The following ARHGEF11 variants were observed in gnomAD, a reference collection of about 807,000 sequenced individuals.
ARHGEF11 encodes the protein Rho guanine exchange factor (GEF) 11.
ARHGEF11 carries 55 observed loss-of-function variants against 193.7 expected under a neutral mutation model. The observed-to-expected ratio is 0.28, with a 90% CI of 0.23 to 0.36. The LOEUF is 0.36. Among genes scored for constraint, ARHGEF11 ranks in the 10% least tolerant of loss-of-function variants. The pLI, the probability that ARHGEF11 is intolerant of heterozygous loss-of-function variation, is 1.00. For missense variants in ARHGEF11, 1,723 were observed against 2,005.6 expected, an observed-to-expected ratio of 0.86 and a Z score of 2.69; for synonymous variants, 693 against 768.0, an observed-to-expected ratio of 0.90 and a Z score of 1.62.
chr1:156,986,334 C>T (rs1664916620), intron 1 of ARHGEF11, among the ~76,000 whole-genome samples, 161 bp from the exon 2 acceptor site: 1 of 152,118 alleles, frequency 6.6e-6, no homozygotes, highest in South Asian at 2.1e-4. Context: ...CATGTGTACA[C>T]CACTGGTAAC....
intron 35 of ARHGEF11, among the ~76,000 whole-genome samples, chr1:156,940,778 T>C (rs905720549): frequency 1.3e-5 from 2 of 151,966 alleles, no homozygotes; most frequent in African/African-American, 2.4e-5. Context: ...ATTAAACAGA[T>C]TGGGCCAAGA....
At chr1:157,039,654 A>C (rs571605205) in intron 1 of ARHGEF11, among the ~76,000 whole-genome samples, 1 of 152,326 alleles carries the variant, frequency 6.6e-6, no homozygotes, top group African/African-American at 2.4e-5. Context: ...ACCACAATCC[A>C]CAGCAAAAAG....
intron 1 of ARHGEF11, among the ~76,000 whole-genome samples, chr1:157,029,905 A>G (rs527615062): frequency 1.3e-5 from 2 of 152,244 alleles, no homozygotes; most frequent in African/African-American, 4.8e-5. Context: ...CAAACCACAT[A>G]TTGTGTTATT....
At chr1:156,963,728 T>C in intron 11 of ARHGEF11, 134 bp from the exon 12 acceptor site, 1 of 1,474,000 alleles carries the variant, frequency 6.8e-7, no homozygotes, top group Non-Finnish European at 8.9e-7. Context: ...GGCATCTCAC[T>C]CCCGCCCCCA....
Position 157,043,804 on chromosome 1 carries a change from A to C in ARHGEF11, c.32+495T>G, listed in dbSNP as rs561930357. On this transcript the variant is annotated intron_variant, in intron 1 of 40. Transcript: ENST00000368194. The stretch of plus-strand genomic sequence containing the variant: ...TTTCTGTCCCATCATTCAGGCCAAG[A>C]ACATCCTCTTCATTTCTAGAAATGG... Among the ~76,000 whole-genome samples, 142 of 152,304 alleles carry C rather than the reference A, an allele frequency of 9.3e-4. 1 individual carries two copies. The highest frequency in any genetic ancestry group is 3.4e-3 in the African/African-American group (140 of 41,560).
At position 156,978,309 on chromosome 1, in the gene ARHGEF11, G is replaced by T. The variant is rs749393446; in HGVS notation, c.405C>A (p.Asp135Glu). 6.2e-6 allele frequency: 10 copies of T among 1,614,148 alleles called. No homozygotes were observed. Among genetic ancestry groups the T allele is most frequent in the Non-Finnish European group, 7.6e-6 (9 of 1,180,016 alleles). The change falls in exon 6 of 41, where the codon GAC becomes GAA. Residue 135 changes from aspartate (D) to glutamate (E), a missense_variant. Physicochemically the swap from Asp to Glu is conservative, Grantham distance 45. Around this residue, in one of 5 missense-constraint regions of ARHGEF11, gnomAD observed 646 missense variants for 710.7 expected, o/e 0.91. Coordinates refer to ENST00000368194, the MANE Select transcript of ARHGEF11 (RefSeq NM_198236.3). Reference sequence around the variant, plus strand: ...TTCGGGGAGCTCCTGCTGGGGATGGGTCCTGCTGGAGCCCAGAGATGCCCA... The same window carrying T: ...TTCGGGGAGCTCCTGCTGGGGATGGTTCCTGCTGGAGCCCAGAGATGCCCA... ...SSMGISGLQQ[D>E]PSPAGAPRIT...
chr1:156,984,516 G>T, intron 2 of ARHGEF11, 79 bp from the exon 3 acceptor site: 1 of 959,180 alleles, frequency 1.0e-6, no homozygotes, highest in Non-Finnish European at 1.6e-6. Flanking sequence ...ACCCAGGGAA[G>T]CCCCAGTGCC....
At chr1:156,964,976 A>G (rs1661495916) in intron 11 of ARHGEF11, among the ~76,000 whole-genome samples, 1 of 150,786 alleles carries the variant, frequency 6.6e-6, no homozygotes, top group African/African-American at 2.4e-5. Context: ...GAATATGCTT[A>G]TTATTAAAAA....
chr1:157,003,146 T>C (rs1404468186), intron 1 of ARHGEF11, among the ~76,000 whole-genome samples: 1 of 152,234 alleles, frequency 6.6e-6, no homozygotes, highest in Non-Finnish European at 1.5e-5. Flanking sequence ...ACTATTAATG[T>C]TGCCATTTTA....
intron 15 of ARHGEF11, among the ~76,000 whole-genome samples, chr1:156,959,596 C>T (rs1406863454): frequency 6.6e-6 from 1 of 152,206 alleles, no homozygotes; most frequent in Admixed American, 6.5e-5. Context: ...CTGCATCTAG[C>T]TCCACCCAGG....
At chr1:156,972,477 T>G (rs974032236) in intron 7 of ARHGEF11, among the ~76,000 whole-genome samples, 3 of 152,240 alleles carry the variant, frequency 2.0e-5, no homozygotes, top group African/African-American at 7.2e-5. Flanking sequence ...AGATTATGTA[T>G]ATGAAGTGCT....
At chr1:157,001,988 T>C (rs1330628626) in intron 1 of ARHGEF11, among the ~76,000 whole-genome samples, 1 of 152,218 alleles carries the variant, frequency 6.6e-6, no homozygotes, top group Non-Finnish European at 1.5e-5. Flanking sequence ...ATGGTCTTAG[T>C]TCTAGGCCTT....
chr1:156,981,750 T>G (rs1451258832), intron 3 of ARHGEF11, among the ~76,000 whole-genome samples: 1 of 152,226 alleles, frequency 6.6e-6, no homozygotes, highest in Non-Finnish European at 1.5e-5. Flanking sequence ...GCTGGGATTA[T>G]AGGCATGTGT....
rs112599380 is a variant in ARHGEF11 at position 156,940,470 on chromosome 1, G to A, written c.3515-45C>T. 2.8e-4 allele frequency: 433 copies of A among 1,544,982 alleles called. No individual in the cohort carries two copies. The Middle Eastern group carries it at 5.5e-3, about 20-fold the overall frequency. On this transcript the variant is annotated intron_variant, in intron 35 of 40. Coordinates refer to ENST00000368194, the MANE Select transcript of ARHGEF11 (RefSeq NM_198236.3). Reference sequence around the variant, plus strand: ...ATTGTAAGGCAGGGAAAGGGAGAGGGCACGTATGGGAGAGCCTATGGGCAG... The same window carrying A: ...ATTGTAAGGCAGGGAAAGGGAGAGGACACGTATGGGAGAGCCTATGGGCAG...
intron 1 of ARHGEF11, among the ~76,000 whole-genome samples, chr1:157,014,007 T>C (rs529688975): frequency 6.6e-6 from 1 of 152,344 alleles, no homozygotes; most frequent in Admixed American, 6.5e-5. Context: ...TGCACTCAGC[T>C]AGGGAAAAAT....
At chr1:156,946,202 T>C in intron 28 of ARHGEF11, 40 bp from the exon 29 acceptor site, 2 of 1,583,446 alleles carry the variant, frequency 1.3e-6, no homozygotes, top group Non-Finnish European at 1.7e-6. Context: ...GATGTCAGCG[T>C]GGCTGGGAGC....
At chr1:157,017,612 CAGGAGAA>C (rs1669420759) in intron 1 of ARHGEF11, among the ~76,000 whole-genome samples, 1 of 144,632 alleles carries the variant, frequency 6.9e-6, no homozygotes, top group Non-Finnish European at 1.5e-5. Flanking sequence ...GAGGCTCAGG[CAGGAGAA>C]TCACTTGAAC....
At chr1:156,982,236 G>C (rs1664291115) in intron 3 of ARHGEF11, among the ~76,000 whole-genome samples, 1 of 151,940 alleles carries the variant, frequency 6.6e-6, no homozygotes, top group Non-Finnish European at 1.5e-5. Flanking sequence ...AGGAACTTGA[G>C]CAGAAATTCT....
At chr1:157,030,947 C>A (rs1309659547) in intron 1 of ARHGEF11, among the ~76,000 whole-genome samples, 2 of 151,810 alleles carry the variant, frequency 1.3e-5, no homozygotes, top group Non-Finnish European at 1.5e-5. Flanking sequence ...CCCCCGCCCC[C>A]GCCCTGGCCC....
Sources: allele counts gnomAD v4.1 joint callset (sites outside exome capture counted in the v4.1 genomes callset), GRCh38; gene constraint gnomAD v4.1.1; regional missense constraint gnomAD v4.1.1; transcripts MANE v1.5; gene names NCBI Gene and HGNC (gene_info 2026-07-23, HGNC 2026-07-21).